CACNA2D1: variants seen among roughly 807,000 people sequenced by gnomAD.
CACNA2D1 encodes the protein calcium voltage-gated channel auxiliary subunit alpha2delta 1.
CACNA2D1 carries 53 observed loss-of-function variants against 171.5 expected under a neutral mutation model. The observed-to-expected ratio is 0.31, with a 90% CI of 0.25 to 0.39. CACNA2D1 has a LOEUF of 0.39. Among genes scored for constraint, CACNA2D1 ranks in the 10% least tolerant of loss-of-function variants. The pLI, the probability that CACNA2D1 is intolerant of heterozygous loss-of-function variation, is 1.00. For missense variants in CACNA2D1, 903 were observed against 1,299.8 expected (o/e 0.69, Z 4.69); for synonymous variants, 442 against 443.1 (o/e 1.00, Z 0.03).
chr7:82,431,351 T>C (rs12112382), intron 1 of CACNA2D1, among the ~76,000 whole-genome samples: 4,197 of 152,274 alleles, frequency 0.028, 182 homozygotes, highest in African/African-American at 0.097. Flanking sequence ...GCCTGGCTAT[T>C]AAACAGTCCT....
intron 6 of CACNA2D1, among the ~76,000 whole-genome samples, chr7:82,086,112 T>C (rs1284116983): frequency 1.3e-5 from 2 of 152,164 alleles, no homozygotes; most frequent in East Asian, 3.9e-4. Context: ...GGATAAAGAC[T>C]GGAGATACAG....
chr7:82,031,278 C>T (rs1249259589), intron 12 of CACNA2D1, among the ~76,000 whole-genome samples: 1 of 151,844 alleles, frequency 6.6e-6, no homozygotes. Context: ...GGACATCTTC[C>T]AGGTGGTGAG....
intron 3 of CACNA2D1, among the ~76,000 whole-genome samples, chr7:82,178,511 T>C (rs1050536370): frequency 6.6e-6 from 1 of 152,122 alleles, no homozygotes; most frequent in Admixed American, 6.6e-5. Flanking sequence ...TGAACACACC[T>C]GGACCCCATG....
chr7:82,235,151 T>A (rs577348761), intron 3 of CACNA2D1, among the ~76,000 whole-genome samples: 4 of 152,192 alleles, frequency 2.6e-5, no homozygotes, highest in African/African-American at 7.2e-5. Flanking sequence ...TTCTTTTTTT[T>A]TAAAATTAAA....
chr7:82,015,457 G>C (rs1490722943), intron 12 of CACNA2D1, among the ~76,000 whole-genome samples: 1 of 152,062 alleles, frequency 6.6e-6, no homozygotes, highest in Non-Finnish European at 1.5e-5. Context: ...TCAATAGAGA[G>C]TTTTTATAAT....
chr7:82,356,671 AT>A (rs1423362665), intron 1 of CACNA2D1, among the ~76,000 whole-genome samples: 3 of 152,100 alleles, frequency 2.0e-5, no homozygotes, highest in Non-Finnish European at 4.4e-5. Flanking sequence ...TTTAAAAAAA[AT>A]AGCTATCTTT....
chr7:82,245,664 A>T (rs528894035), intron 3 of CACNA2D1, among the ~76,000 whole-genome samples: 1,418 of 107,140 alleles, frequency 0.013, 14 homozygotes, highest in Non-Finnish European at 0.016. Context: ...TCTCTCTCTC[A>T]CACACACACA....
chr7:81,997,288 T>C (rs1798145061), intron 18 of CACNA2D1, 38 bp from the exon 19 acceptor site: 1 of 1,272,994 alleles, frequency 7.9e-7, no homozygotes. Flanking sequence ...ACATGTAACA[T>C]TATACAATGA....
At chr7:82,281,808 A>ATGTT (rs10700956) in intron 3 of CACNA2D1, among the ~76,000 whole-genome samples, 49,494 of 151,686 alleles carry the variant, frequency 0.33, 8,116 homozygotes, top group African/African-American at 0.35. Context: ...TTAAAATATT[A>ATGTT]TATTTAAAAC....
chr7:82,021,002 G>T (rs1001080693), intron 12 of CACNA2D1: 2 of 152,140 alleles, frequency 1.3e-5, no homozygotes, highest in African/African-American at 4.8e-5. Flanking sequence ...ACCTGTGGGT[G>T]TATGACATAT....
intron 2 of CACNA2D1, among the ~76,000 whole-genome samples, chr7:82,335,491 A>G (rs1380692488): frequency 1.3e-5 from 2 of 152,160 alleles, no homozygotes; most frequent in East Asian, 3.9e-4. Flanking sequence ...CTTGTACCAC[A>G]GTGGTTTGTA....
chr7:82,098,147 A>G (rs1812154652), intron 6 of CACNA2D1, among the ~76,000 whole-genome samples: 1 of 152,156 alleles, frequency 6.6e-6, no homozygotes, highest in Non-Finnish European at 1.5e-5. Flanking sequence ...AAAAAAATAA[A>G]AAAATAAAGC....
intron 5 of CACNA2D1, among the ~76,000 whole-genome samples, chr7:82,122,241 ATTAAG>A (rs1465487881): frequency 6.6e-6 from 1 of 152,204 alleles, no homozygotes; most frequent in Admixed American, 6.5e-5. Flanking sequence ...TTAGAACTAA[ATTAAG>A]TTAAAATGCA....
chr7:82,097,824 G>T (rs1461771286), intron 6 of CACNA2D1, among the ~76,000 whole-genome samples: 1 of 152,086 alleles, frequency 6.6e-6, no homozygotes, highest in Non-Finnish European at 1.5e-5. Flanking sequence ...GGTTTAAGAG[G>T]CAAGCAAGGA....
intron 6 of CACNA2D1, among the ~76,000 whole-genome samples, chr7:82,103,393 A>C (rs1046944169): frequency 2.0e-5 from 3 of 152,208 alleles, no homozygotes; most frequent in African/African-American, 7.2e-5. Context: ...TATTTTAATT[A>C]AGAGAGGAGA....
At chr7:82,431,523 C>T in intron 1 of CACNA2D1, among the ~76,000 whole-genome samples, 1 of 152,142 alleles carries the variant, frequency 6.6e-6, no homozygotes, top group East Asian at 1.9e-4. Context: ...CTGGAATATG[C>T]AGCCAGGCGA....
intron 3 of CACNA2D1, among the ~76,000 whole-genome samples, chr7:82,268,684 G>C (rs1467576943): frequency 6.7e-6 from 1 of 148,152 alleles, no homozygotes; most frequent in African/African-American, 2.5e-5. Flanking sequence ...TTGGGCTCTA[G>C]AGAAAGTGAG....
chr7:82,304,976 C>T (rs1280931881), intron 3 of CACNA2D1, among the ~76,000 whole-genome samples: 1 of 152,078 alleles, frequency 6.6e-6, no homozygotes, highest in South Asian at 2.1e-4. Context: ...ATCATGTGTA[C>T]ACCGTAAGTA....
At chr7:82,247,866 A>G (rs959413152) in intron 3 of CACNA2D1, among the ~76,000 whole-genome samples, 2 of 152,236 alleles carry the variant, frequency 1.3e-5, no homozygotes, top group Non-Finnish European at 2.9e-5. Context: ...AAATCTGGGC[A>G]GGGGACGGGC....
Sources: gnomAD v4.1 joint callset for allele counts (sites outside exome capture counted in the v4.1 genomes callset) on GRCh38, gnomAD v4.1.1 for gene constraint, MANE v1.5 for transcripts, NCBI Gene and HGNC (gene_info 2026-07-23, HGNC 2026-07-21) for gene names.